The following SAMD3 variants were observed in gnomAD, a reference collection of about 807,000 sequenced individuals.
SAMD3 encodes sterile alpha motif domain-containing protein 3.
In SAMD3, 63 loss-of-function variants were observed where a neutral mutation model predicts 58.5. The ratio of observed to expected loss-of-function variants is 1.08; its 90% CI spans 0.88 to 1.33. The LOEUF is 1.33. SAMD3 is among the 40% of genes most tolerant of loss of function. The pLI is 0.00. For synonymous variants in SAMD3, 220 were observed against 210.3 expected, an observed-to-expected ratio of 1.05 and a Z score of -0.40; for missense variants, 604 against 608.4, an observed-to-expected ratio of 0.99 and a Z score of 0.08.
chr6:130,323,999 G>A (rs1776673237), intron 1 of SAMD3, among the ~76,000 whole-genome samples: 1 of 151,892 alleles, frequency 6.6e-6, no homozygotes, highest in Non-Finnish European at 1.5e-5. Flanking sequence ...ATGCACAAGG[G>A]ATGAATGAAT....
chr6:130,355,659 C>T (rs1020957437), intron 1 of SAMD3, among the ~76,000 whole-genome samples: 3 of 152,082 alleles, frequency 2.0e-5, no homozygotes, highest in African/African-American at 7.2e-5. Flanking sequence ...ACCCACCAGG[C>T]AATAAAAGAA....
At position 130,205,361 on chromosome 6, in the gene SAMD3, T is replaced by C. The variant is rs147029416; in HGVS notation, c.383+4134A>G. ...CTATGTCACCTAGGCTGGAGTGCAATGGAGTGATCTCAGCTCACTGCAACC... is the reference window on the plus strand; with the variant it reads ...CTATGTCACCTAGGCTGGAGTGCAACGGAGTGATCTCAGCTCACTGCAACC... On this transcript the variant is annotated intron_variant, in intron 5 of 11. Transcript: ENST00000439090. Among the ~76,000 whole-genome samples, 801 of 152,240 alleles carry C rather than the reference T, an allele frequency of 5.3e-3. 10 individuals carry two copies. The highest frequency in any genetic ancestry group is 0.018 in the African/African-American group (768 of 41,532).
intron 2 of SAMD3, among the ~76,000 whole-genome samples, chr6:130,298,524 G>A (rs750833490): frequency 1.3e-5 from 2 of 152,076 alleles, no homozygotes; most frequent in Non-Finnish European, 1.5e-5. Context: ...CTCACATATC[G>A]ATATTAACCT....
At chr6:130,209,899 T>C (rs369018215) in intron 4 of SAMD3, among the ~76,000 whole-genome samples, 3 of 152,374 alleles carry the variant, frequency 2.0e-5, no homozygotes, top group African/African-American at 4.8e-5. Flanking sequence ...TATGAAATGA[T>C]GGTGATCGTA....
At chr6:130,312,554 G>T (rs1373666352) in intron 2 of SAMD3, among the ~76,000 whole-genome samples, 1 of 152,166 alleles carries the variant, frequency 6.6e-6, no homozygotes, top group African/African-American at 2.4e-5. Context: ...ACCCCATTCA[G>T]TCTGGAACTC....
intron 1 of SAMD3, among the ~76,000 whole-genome samples, chr6:130,358,726 TAC>T (rs3029958): frequency 0.2 from 28,879 of 144,210 alleles, 2,862 homozygotes; most frequent in East Asian, 0.37. Context: ...CACTATGTCT[TAC>T]ACACACACAC....
intron 5 of SAMD3, among the ~76,000 whole-genome samples, chr6:130,193,397 T>C (rs974092891): frequency 1.3e-5 from 2 of 151,916 alleles, no homozygotes; most frequent in Non-Finnish European, 2.9e-5. Flanking sequence ...CAATCCCTTA[T>C]TTCCGTGCCC....
upstream of SAMD3, among the ~76,000 whole-genome samples, chr6:130,224,415 CCCTG>C (rs1796327866): frequency 6.6e-6 from 1 of 151,408 alleles, no homozygotes; most frequent in Non-Finnish European, 1.5e-5. Flanking sequence ...CCCAGCACTT[CCCTG>C]CCCGCCTCCC....
At chr6:130,281,086 C>T (rs1307522136) in intron 2 of SAMD3, among the ~76,000 whole-genome samples, 1 of 151,692 alleles carries the variant, frequency 6.6e-6, no homozygotes, top group Non-Finnish European at 1.5e-5. Context: ...AGAACAATTA[C>T]AACAACATAC....
At chr6:130,350,855 A>G (rs957390837) in intron 1 of SAMD3, among the ~76,000 whole-genome samples, 7 of 152,336 alleles carry the variant, frequency 4.6e-5, no homozygotes, top group Non-Finnish European at 1.0e-4. Context: ...CCAAAACAGC[A>G]TGGTACTAGT....
intron 2 of SAMD3, among the ~76,000 whole-genome samples, chr6:130,304,552 A>G (rs921871036): frequency 2.0e-5 from 3 of 152,176 alleles, no homozygotes; most frequent in African/African-American, 7.2e-5. Context: ...CTAATATTAC[A>G]CTTTCATCTT....
chr6:130,356,779 A>T (rs1777843180), intron 1 of SAMD3, among the ~76,000 whole-genome samples: 1 of 152,138 alleles, frequency 6.6e-6, no homozygotes, highest in African/African-American at 2.4e-5. Flanking sequence ...TCTTTTCTGG[A>T]CCTAGTAAGT....
At chr6:130,202,181 C>T (rs1287310317) in intron 5 of SAMD3, among the ~76,000 whole-genome samples, 1 of 152,172 alleles carries the variant, frequency 6.6e-6, no homozygotes, top group Non-Finnish European at 1.5e-5. Flanking sequence ...AGCTCAAAGC[C>T]AATATTCCTC....
chr6:130,170,243 T>C (rs1000948290), intron 8 of SAMD3, among the ~76,000 whole-genome samples: 1 of 152,222 alleles, frequency 6.6e-6, no homozygotes, highest in Non-Finnish European at 1.5e-5. Context: ...TTCCCCTCCC[T>C]GTGTCCATGT....
chr6:130,230,410 C>T (rs34975435), intron 2 of SAMD3, among the ~76,000 whole-genome samples: 21,662 of 151,822 alleles, frequency 0.14, 1,764 homozygotes, highest in East Asian at 0.36. Context: ...TTTTTTTAGA[C>T]GGAGTCTTGC....
intron 5 of SAMD3, among the ~76,000 whole-genome samples, chr6:130,188,892 GC>G (rs1030895398): frequency 5.9e-5 from 9 of 151,942 alleles, no homozygotes; most frequent in African/African-American, 2.2e-4. Flanking sequence ...CTTGGTTCCT[GC>G]CCCCTTAATC....
At chr6:130,147,473 A>G (rs766593362) in intron 9 of SAMD3, among the ~76,000 whole-genome samples, 4 of 152,222 alleles carry the variant, frequency 2.6e-5, no homozygotes, top group Non-Finnish European at 5.9e-5. Flanking sequence ...CTCATAGCCT[A>G]AGAATTTCTT....
At chr6:130,210,163 T>C (rs184327030) in intron 4 of SAMD3, among the ~76,000 whole-genome samples, 2 of 152,290 alleles carry the variant, frequency 1.3e-5, no homozygotes, top group East Asian at 1.9e-4. Flanking sequence ...TCCTGACCAA[T>C]GATTTTCTAC....
At chr6:130,301,999 A>C (rs992745026) in intron 2 of SAMD3, among the ~76,000 whole-genome samples, 3 of 152,194 alleles carry the variant, frequency 2.0e-5, no homozygotes, top group African/African-American at 7.2e-5. Flanking sequence ...AAATTCAGGA[A>C]AAACTCTTGT....
Sources: gnomAD v4.1 joint callset for allele counts (sites outside exome capture counted in the v4.1 genomes callset) on GRCh38, gnomAD v4.1.1 for gene constraint, MANE v1.5 for transcripts, NCBI Gene and HGNC (gene_info 2026-07-23, HGNC 2026-07-21) for gene names.